Variants in TTC17 observed in about 807,000 individuals in gnomAD.
TTC17 encodes tetratricopeptide repeat protein 17.
A neutral mutation model predicts 143.8 loss-of-function variants in TTC17; 58 were observed. The observed-to-expected ratio is 0.40, with a 90% CI of 0.33 to 0.50. The LOEUF (loss-of-function observed/expected upper bound fraction) is 0.50. Ranked by LOEUF, TTC17 falls within the 20% of genes least tolerant of loss-of-function variation. The pLI is 0.49. For missense variants in TTC17, 1,273 were observed against 1,392.5 expected (o/e 0.91, Z 1.37); for synonymous variants, 501 against 497.8 (o/e 1.01, Z -0.09).
In TTC17 at chr11:43,494,127, TAAAAG is replaced by T. The variant is rs1948519470; in HGVS notation, c.*224_*228del. ...GGCACCTTCAGAAACACACATTTCT[TAAAAG>T]GAAAGTGCAGCTTCAAGATATTGTG... On this transcript the variant is annotated 3_prime_UTR_variant, in exon 24 of 24. Transcript: ENST00000039989. The T allele has an allele frequency of 6.2e-6, 3 of 487,704 alleles. No homozygotes were observed. Among genetic ancestry groups the T allele is most frequent in the Non-Finnish European group, 7.0e-6 (2 of 286,760 alleles). 30.2% of individuals were successfully genotyped at this position (487,704 alleles called of 1,614,324 possible). A position where few individuals can be genotyped will look rare whatever the true frequency, so the allele number is the denominator to read the frequency against.
At chr11:43,391,398 C>G in intron 3 of TTC17, 67 bp from the exon 4 acceptor site, 3 of 1,098,752 alleles carry the variant, frequency 2.7e-6, no homozygotes, top group East Asian at 2.6e-5. Context: ...GACCCTTTCT[C>G]TAAATAAATA....
Position 43,404,001 on chromosome 11 carries a change from G to T in TTC17, c.1336G>T (p.Gly446Cys). 6.3e-7 allele frequency: 1 copy of T among 1,598,422 alleles called. No homozygotes were observed. The highest frequency in any genetic ancestry group is 8.5e-7 in the Non-Finnish European group (1 of 1,173,436). The change falls in exon 11 of 24, where the codon GGT becomes TGT. Residue 446 changes from glycine to cysteine, a missense_variant. Physicochemically the swap from Gly to Cys is radical, Grantham distance 159 (BLOSUM62 -3). Coordinates refer to ENST00000039989, the MANE Select transcript of TTC17 (RefSeq NM_018259.6). ...IFENVDYVQF[G>C]EDSSTSSMMS... ...AACTTTTTGTTTCATTTTCTAGTTT[G>T]GTGAGGATTCATCAACCTCCAGTAT...
chr11:43,382,256 C>G (rs1236589150), intron 2 of TTC17, among the ~76,000 whole-genome samples: 1 of 152,174 alleles, frequency 6.6e-6, no homozygotes, highest in Non-Finnish European at 1.5e-5. Flanking sequence ...CACAGACCCT[C>G]ACTTCAGCTG....
rs1254497786 is a variant in TTC17, at chr11:43,494,009, ATAAC to A, written c.*109_*112del. On this transcript the variant is annotated 3_prime_UTR_variant, in exon 24 of 24. Coordinates refer to ENST00000039989, the MANE Select transcript of TTC17 (RefSeq NM_018259.6). ...TCTACTATTAATGATGTGTGTGAAA[ATAAC>A]TAAGACTTATAACAGGACTTTTACA... is the stretch of plus-strand genomic sequence containing the variant. 17 of 1,401,700 alleles carry A rather than the reference ATAAC, an allele frequency of 1.2e-5. No homozygotes were observed. The highest frequency in any genetic ancestry group is 1.6e-5 in the Non-Finnish European group (17 of 1,054,220). The allele number at this position is 1,401,700 out of a possible 1,614,324, so 86.8% of individuals were successfully genotyped here.
At chr11:43,454,379 A>G (rs1236499567) in intron 21 of TTC17, among the ~76,000 whole-genome samples, 2 of 152,196 alleles carry the variant, frequency 1.3e-5, no homozygotes, top group African/African-American at 4.8e-5. Context: ...CCTAAATACC[A>G]AAAGATAACC....
At position 43,398,003 on chromosome 11, in the gene TTC17, C is replaced by G. The variant is rs764246036; in HGVS notation, c.948C>G (p.Leu316=). 14 of 1,612,716 alleles carry G rather than the reference C, an allele frequency of 8.7e-6. No homozygotes were observed. In the East Asian group the frequency reaches 2.2e-4, roughly 26 times the overall value. Residue 316 remains leucine (L), a synonymous_variant, in exon 8 of 24, where the codon CTC becomes CTG. Coordinates refer to ENST00000039989, the MANE Select transcript of TTC17 (RefSeq NM_018259.6). The part of the protein sequence containing the change: ...AMLGEYNHSV[L]CYDHALQARP... ...TTGGGGAATATAACCACTCAGTGCT[C>G]TGTTATGACCACGCTTTGCAGGCCA...
chr11:43,404,600 C>CT (rs1479879396), intron 11 of TTC17, among the ~76,000 whole-genome samples: 6 of 152,264 alleles, frequency 3.9e-5, no homozygotes, highest in Admixed American at 3.9e-4. Context: ...GTACATGTGC[C>CT]TGTCTAGACT....
intron 15 of TTC17, among the ~76,000 whole-genome samples, chr11:43,411,257 T>TAA (rs1349904467): frequency 6.6e-6 from 1 of 152,192 alleles, no homozygotes; most frequent in East Asian, 1.9e-4. Context: ...TCCTTGAACA[T>TAA]ACTAAGCATG....
intron 21 of TTC17, among the ~76,000 whole-genome samples, chr11:43,465,377 T>C (rs1268962673): frequency 1.3e-5 from 2 of 152,096 alleles, no homozygotes; most frequent in Non-Finnish European, 2.9e-5. Flanking sequence ...GGGCAGACAA[T>C]AGAAATATAC....
At chr11:43,403,866 C>T in intron 10 of TTC17, 132 bp from the exon 11 acceptor site, 1 of 672,716 alleles carries the variant, frequency 1.5e-6, no homozygotes. Context: ...GATCCAATTG[C>T]TTTATTACTG....
intron 19 of TTC17, chr11:43,448,932 C>T (rs1947604370): frequency 6.6e-6 from 1 of 152,126 alleles, no homozygotes; most frequent in Non-Finnish European, 1.5e-5. Flanking sequence ...TGATTTTCCT[C>T]CCTTGCTCTT....
rs557968727 is a variant in TTC17 at position 43,401,299 on chromosome 11, A to G, written c.1220-147A>G. The stretch of plus-strand genomic sequence containing the variant: ...GATTTATTTGATTAACCATTAATGA[A>G]TATTTCTCTATATAAGTACGTCCTA... On this transcript the variant is annotated intron_variant, in intron 9 of 23. Coordinates refer to ENST00000039989, the MANE Select transcript of TTC17 (RefSeq NM_018259.6). 15 of 529,650 alleles carry G rather than the reference A, an allele frequency of 2.8e-5. No homozygotes were observed. In the South Asian group the frequency reaches 4.3e-4, roughly 15 times the overall value. The allele number at this position is 529,650 out of a possible 1,614,324, so 32.8% of individuals were successfully genotyped here. A position where few individuals can be genotyped will look rare whatever the true frequency, so the allele number is the denominator to read the frequency against.
chr11:43,462,921 C>CT (rs562594929), intron 21 of TTC17, among the ~76,000 whole-genome samples: 7,999 of 117,676 alleles, frequency 0.068, 1,138 homozygotes, highest in African/African-American at 0.11. Flanking sequence ...TGACAAAATT[C>CT]TTTTTTTTTT....
At chr11:43,404,242 T>C in intron 11 of TTC17, 98 bp downstream of exon 11, 1 of 1,190,434 alleles carries the variant, frequency 8.4e-7, no homozygotes, top group Non-Finnish European at 1.1e-6. Flanking sequence ...CCTCTATGAC[T>C]GTTCAGATTA....
chr11:43,466,149 G>A (rs1026012685), intron 21 of TTC17, among the ~76,000 whole-genome samples: 3 of 152,114 alleles, frequency 2.0e-5, no homozygotes, highest in African/African-American at 7.2e-5. Context: ...AAGATGATAT[G>A]CAAACAGCCA....
intron 1 of TTC17, among the ~76,000 whole-genome samples, chr11:43,373,987 T>C (rs1481624032): frequency 3.3e-5 from 5 of 152,158 alleles, no homozygotes; most frequent in African/African-American, 9.7e-5. Context: ...ACGTTTTTTT[T>C]CCAAATAGTC....
At chr11:43,464,417 T>C (rs942354432) in intron 21 of TTC17, among the ~76,000 whole-genome samples, 2 of 152,188 alleles carry the variant, frequency 1.3e-5, no homozygotes, top group African/African-American at 4.8e-5. Flanking sequence ...CCCTGTAACT[T>C]GGATGTAGGG....
rs115790441 is a variant in TTC17 at position 43,434,541 on chromosome 11, C to T, written c.2252-8784C>T. Reference sequence around the variant, plus strand: ...TTTCCTCATTTCTAAAATGAAGATGCACATGGTTTTTATGAGGATAAAGTG... The same window carrying T: ...TTTCCTCATTTCTAAAATGAAGATGTACATGGTTTTTATGAGGATAAAGTG... On this transcript the variant is annotated intron_variant, in intron 16 of 23. Transcript: ENST00000039989. 3.4e-3 allele frequency among the ~76,000 whole-genome samples: 518 copies of T among 152,236 alleles called. 2 individuals carry two copies. The highest frequency in any genetic ancestry group is 0.012 in the African/African-American group (480 of 41,544).
chr11:43,404,439 A>T (rs1439174531), intron 11 of TTC17, among the ~76,000 whole-genome samples: 1 of 152,170 alleles, frequency 6.6e-6, no homozygotes, highest in Non-Finnish European at 1.5e-5. Flanking sequence ...AACTTGACCC[A>T]AGCGTATGTT....
Sources: gnomAD v4.1 joint callset for allele counts (sites outside exome capture counted in the v4.1 genomes callset) on GRCh38, gnomAD v4.1.1 for gene constraint, MANE v1.5 for transcripts, NCBI Gene and HGNC (gene_info 2026-07-23, HGNC 2026-07-21) for gene names.